The following SLC30A8 variants were observed in gnomAD, a reference collection of about 807,000 sequenced individuals.
SLC30A8 encodes solute carrier family 30 member 8.
Under a neutral mutation model 36.9 loss-of-function variants are expected in SLC30A8, and 27 were observed. The observed-to-expected ratio is 0.73, with a 90% confidence interval of 0.54 to 1.01. The LOEUF is 1.01. SLC30A8 is among the 50% of genes least tolerant of loss of function. SLC30A8 has a pLI of 0.00. For synonymous variants in SLC30A8, 164 were observed against 172.4 expected, an observed-to-expected ratio of 0.95 and a Z score of 0.38; for missense variants, 439 against 452.0, an observed-to-expected ratio of 0.97 and a Z score of 0.26.
intron 2 of SLC30A8, among the ~76,000 whole-genome samples, chr8:117,041,376 A>G (rs1367906899): frequency 6.6e-6 from 1 of 152,208 alleles, no homozygotes. Flanking sequence ...GACAGATTCT[A>G]GAATTTGCCC....
chr8:117,103,400 A>G (rs774706940), intron 2 of SLC30A8, among the ~76,000 whole-genome samples: 3 of 152,112 alleles, frequency 2.0e-5, no homozygotes, highest in Non-Finnish European at 4.4e-5. Flanking sequence ...CATGAGTGGT[A>G]GTGCTGTCCT....
At chr8:117,002,599 GTTTTGT>G (rs939015074) in intron 1 of SLC30A8, among the ~76,000 whole-genome samples, 3 of 151,754 alleles carry the variant, frequency 2.0e-5, no homozygotes, top group Non-Finnish European at 2.9e-5. Context: ...TTTTTTGTTT[GTTTTGT>G]TTTTGTTTTT....
intron 2 of SLC30A8, among the ~76,000 whole-genome samples, chr8:117,055,022 G>A (rs911318919): frequency 1.3e-5 from 2 of 152,122 alleles, no homozygotes; most frequent in Non-Finnish European, 2.9e-5. Context: ...GGCTTCACTC[G>A]CTATTTAACC....
At chr8:117,061,760 G>A (rs1253447798) in intron 2 of SLC30A8, among the ~76,000 whole-genome samples, 3 of 152,124 alleles carry the variant, frequency 2.0e-5, no homozygotes, top group Admixed American at 2.0e-4. Context: ...TCTGTGATCC[G>A]GAAAGCAGTA....
intron 1 of SLC30A8, among the ~76,000 whole-genome samples, chr8:117,034,326 A>G (rs1366919658): frequency 6.6e-6 from 1 of 152,162 alleles, no homozygotes; most frequent in Admixed American, 6.5e-5. Context: ...CAATACTCCC[A>G]CATCCAGTCC....
At chr8:116,957,124 C>T (rs1814238151) in intron 1 of SLC30A8, among the ~76,000 whole-genome samples, 1 of 152,060 alleles carries the variant, frequency 6.6e-6, no homozygotes. Context: ...TTTTATATTT[C>T]TTTACTTATA....
chr8:117,031,446 CT>C (rs1817044818), intron 1 of SLC30A8, among the ~76,000 whole-genome samples: 1 of 150,670 alleles, frequency 6.6e-6, no homozygotes, highest in African/African-American at 2.4e-5. Flanking sequence ...CTTCTTCTTT[CT>C]TCTTTCTTCT....
intron 2 of SLC30A8, among the ~76,000 whole-genome samples, chr8:117,086,988 C>T (rs1330366296): frequency 6.6e-6 from 1 of 152,200 alleles, no homozygotes; most frequent in East Asian, 1.9e-4. Flanking sequence ...TTCTTTGCTG[C>T]TGGCTGTATG....
At chr8:117,024,103 G>A (rs1586412442) in intron 1 of SLC30A8, among the ~76,000 whole-genome samples, 1 of 152,110 alleles carries the variant, frequency 6.6e-6, no homozygotes, top group Admixed American at 6.5e-5. Flanking sequence ...TCAATGTTTT[G>A]AAAATAATCA....
At chr8:116,976,584 A>G (rs1223347613) in intron 1 of SLC30A8, among the ~76,000 whole-genome samples, 1 of 152,122 alleles carries the variant, frequency 6.6e-6, no homozygotes, top group East Asian at 1.9e-4. Context: ...ATACTCTCCA[A>G]CGTCTTCAGC....
intron 1 of SLC30A8, among the ~76,000 whole-genome samples, chr8:116,988,677 A>G (rs561486632): frequency 1.3e-5 from 2 of 152,360 alleles, no homozygotes; most frequent in South Asian, 4.1e-4. Context: ...CCATGCTGGT[A>G]ATATTGTTTA....
chr8:117,121,825 C>T (rs866118244), intron 2 of SLC30A8, among the ~76,000 whole-genome samples: 5 of 151,654 alleles, frequency 3.3e-5, no homozygotes, highest in South Asian at 2.1e-4. Flanking sequence ...TGATAGTTGC[C>T]GGGGATTGTG....
intron 2 of SLC30A8, among the ~76,000 whole-genome samples, chr8:117,086,310 G>A (rs1181517747): frequency 6.6e-6 from 1 of 152,166 alleles, no homozygotes; most frequent in African/African-American, 2.4e-5. Context: ...TTCTTAGGCA[G>A]AGGGCTAGAA....
intron 2 of SLC30A8, among the ~76,000 whole-genome samples, chr8:117,092,376 A>G (rs917945351): frequency 2.6e-5 from 4 of 152,120 alleles, no homozygotes; most frequent in Non-Finnish European, 5.9e-5. Flanking sequence ...GCAAATTAAA[A>G]AACACTATGA....
intron 1 of SLC30A8, among the ~76,000 whole-genome samples, chr8:117,034,629 A>G (rs1041874584): frequency 1.3e-5 from 2 of 152,196 alleles, no homozygotes; most frequent in African/African-American, 2.4e-5. Context: ...TCAGATTCCA[A>G]GCTCTTGACT....
intron 1 of SLC30A8, among the ~76,000 whole-genome samples, chr8:116,974,438 G>T (rs1814907173): frequency 1.3e-5 from 2 of 152,308 alleles, no homozygotes; most frequent in South Asian, 4.1e-4. Context: ...ATGAAAAAAT[G>T]CTCGTCATCA....
At chr8:116,973,316 G>C (rs562524479) in intron 1 of SLC30A8, among the ~76,000 whole-genome samples, 34 of 152,272 alleles carry the variant, frequency 2.2e-4, no homozygotes, top group African/African-American at 8.2e-4. Context: ...ACTAGATTTG[G>C]ACCAGTGAGA....
In SLC30A8 at chr8:117,162,350, TG is replaced by T. The variant is rs60783626; in HGVS notation, c.723+463del. Among the ~76,000 whole-genome samples the T allele has an allele frequency of 2.3e-3, 344 of 152,290 alleles. 1 individual carries two copies. The highest frequency in any genetic ancestry group is 7.8e-3 in the African/African-American group (324 of 41,554). On this transcript the variant is annotated intron_variant, in intron 5 of 7. Transcript: ENST00000456015. The stretch of plus-strand genomic sequence containing the variant: ...AGTCCAGTTGACCTAGGTTGTGTCT[TG>T]TATCTGCTGCTTGGCCGAAGGGAGG...
intron 2 of SLC30A8, among the ~76,000 whole-genome samples, chr8:117,051,971 C>A (rs1817725313): frequency 6.6e-6 from 1 of 152,078 alleles, no homozygotes; most frequent in Non-Finnish European, 1.5e-5. Flanking sequence ...CAGCGCTATG[C>A]TTTGTGTACA....
Sources: gnomAD v4.1 joint callset for allele counts (sites outside exome capture counted in the v4.1 genomes callset) on GRCh38, gnomAD v4.1.1 for gene constraint, MANE v1.5 for transcripts, NCBI Gene and HGNC (gene_info 2026-07-23, HGNC 2026-07-21) for gene names.